Variants in DPF3 observed in about 807,000 individuals in gnomAD.
DPF3 encodes the protein double PHD fingers 3.
A neutral mutation model predicts 56.8 loss-of-function variants in DPF3; 18 were observed. The ratio of observed to expected loss-of-function variants is 0.32; its 90% CI spans 0.22 to 0.47. The LOEUF is 0.47. Among genes scored for constraint, DPF3 ranks in the 20% least tolerant of loss-of-function variants. DPF3 has a pLI of 1.00. For synonymous variants in DPF3, 188 were observed against 180.2 expected (o/e 1.04, Z -0.35); for missense variants, 403 against 488.8 (o/e 0.82, Z 1.65).
chr14:72,789,596 C>T (rs1892346491), intron 1 of DPF3, among the ~76,000 whole-genome samples: 1 of 152,192 alleles, frequency 6.6e-6, no homozygotes, highest in African/African-American at 2.4e-5. Context: ...AGTGCAGTGG[C>T]ATGGCTCACT....
intron 7 of DPF3, among the ~76,000 whole-genome samples, chr14:72,692,651 G>A (rs1887739596): frequency 6.6e-6 from 1 of 152,162 alleles, no homozygotes; most frequent in Non-Finnish European, 1.5e-5. Flanking sequence ...CAATAGATAA[G>A]AATATTCTAA....
In DPF3 at chr14:72,674,332, T is replaced by G; in HGVS notation, c.779A>C (p.Asn260Thr). ...KGPDGTVIPN[N>T]YCDFCLGGSN... ...GCCCCCCAAGCAGAAGTCACAGTAG[T>G]TATTGGGAATGACTGTTCCATCCGG... The change falls in exon 8 of 11, where the codon AAC (asparagine) becomes ACC (threonine). Residue 260 changes from asparagine to threonine, a missense_variant. Physicochemically the swap from Asn to Thr is moderately conservative, Grantham distance 65. Transcript: ENST00000556509. The G allele has an allele frequency of 6.2e-7, 1 of 1,612,966 alleles. No homozygotes were observed.
chr14:72,642,480 GTTA>G lies in DPF3; in HGVS notation c.872-12747_872-12745del, dbSNP rs762698290. ...TTAGATCATTTATCTCTTCCATGCT[GTTA>G]TTATTTTTTTTCAGTGAATCTCCTT... On this transcript the variant is annotated intron_variant, in intron 8 of 10. Transcript: ENST00000556509. Among the ~76,000 whole-genome samples, 82 of 152,192 alleles carry G rather than the reference GTTA, an allele frequency of 5.4e-4. 1 individual carries two copies. In the Middle Eastern group the frequency reaches 9.5e-3, roughly 18 times the overall value.
Position 72,610,894 on chromosome 14 carries a change from A to G in DPF3, c.*8403T>C, listed in dbSNP as rs142218662. On this transcript the variant is annotated 3_prime_UTR_variant, in exon 11 of 11. Transcript: ENST00000556509. ...CCTTTGCCTCACCCCTTCCACCAGC[A>G]GGGCCATTCAGAGAAGTCTTGGCTC... 1.5e-3 allele frequency among the ~76,000 whole-genome samples: 225 copies of G among 152,364 alleles called. No homozygotes were observed. Among genetic ancestry groups the G allele is most frequent in the Admixed American group, 3.3e-3 (50 of 15,312 alleles).
Position 72,780,734 on chromosome 14 carries a change from T to C in DPF3, c.33-8841A>G, listed in dbSNP as rs1891936360. ...CATTTCTCCATGTGCAAATTCATGC[T>C]ACCCTGCAAGGTGCCACAGAACTGA... On this transcript the variant is annotated intron_variant, in intron 1 of 10. Transcript: ENST00000556509. 2.0e-5 allele frequency among the ~76,000 whole-genome samples: 3 copies of C among 152,224 alleles called. No individual in the cohort carries two copies. The South Asian group carries it at 6.2e-4, about 32-fold the overall frequency.
intron 6 of DPF3, among the ~76,000 whole-genome samples, chr14:72,700,740 G>C (rs1888123096): frequency 6.6e-6 from 1 of 152,136 alleles, no homozygotes; most frequent in Non-Finnish European, 1.5e-5. Flanking sequence ...TGTGATCTTG[G>C]GCAAGTTACT....
chr14:72,861,727 A>AAGAAAGAGAG (rs1555513975), intron 1 of DPF3, among the ~76,000 whole-genome samples: 1 of 90,276 alleles, frequency 1.1e-5, no homozygotes, highest in Non-Finnish European at 2.2e-5. Context: ...AAGAGAGAGA[A>AAGAAAGAGAG]AGAAAGAAAG....
intron 2 of DPF3, among the ~76,000 whole-genome samples, chr14:72,768,366 G>A (rs988627092): frequency 1.3e-5 from 2 of 152,220 alleles, no homozygotes; most frequent in African/African-American, 4.8e-5. Context: ...TATAAAGGGA[G>A]GAGGGTAAAA....
chr14:72,758,909 T>C (rs1469604063), intron 2 of DPF3, among the ~76,000 whole-genome samples: 1 of 152,156 alleles, frequency 6.6e-6, no homozygotes, highest in African/African-American at 2.4e-5. Flanking sequence ...AAGGTAAAAT[T>C]CACAATGTGA....
intron 2 of DPF3, among the ~76,000 whole-genome samples, chr14:72,763,407 G>C (rs879945694): frequency 1.1e-4 from 16 of 152,006 alleles, no homozygotes; most frequent in Non-Finnish European, 2.1e-4. Context: ...TAGACAAATA[G>C]GTCAATAAAA....
chr14:72,703,536 C>T (rs1042915573), intron 6 of DPF3, among the ~76,000 whole-genome samples: 4 of 152,138 alleles, frequency 2.6e-5, no homozygotes, highest in Non-Finnish European at 5.9e-5. Flanking sequence ...AAAACCAAAG[C>T]ACTCCATGTG....
At position 72,808,063 on chromosome 14, in the gene DPF3, G is replaced by C. The variant is rs568656504; in HGVS notation, c.33-36170C>G. Among the ~76,000 whole-genome samples, 141 of 152,290 alleles carry C rather than the reference G, an allele frequency of 9.3e-4. 1 individual carries two copies. The highest frequency in any genetic ancestry group is 3.3e-3 in the African/African-American group (137 of 41,564). ...CAGCCTGACCTGATGGATGGGAAAAGATAAGCTCAGAGATGGGGTAAGGAT... is the reference window on the plus strand; with the variant it reads ...CAGCCTGACCTGATGGATGGGAAAACATAAGCTCAGAGATGGGGTAAGGAT... On this transcript the variant is annotated intron_variant, in intron 1 of 10. Transcript: ENST00000556509.
chr14:72,710,110 T>C (rs568162830), intron 6 of DPF3, among the ~76,000 whole-genome samples: 1 of 152,190 alleles, frequency 6.6e-6, no homozygotes, highest in Non-Finnish European at 1.5e-5. Context: ...TCATCAGGAG[T>C]CTGCTCCAAT....
At chr14:72,759,668 T>C (rs1890988455) in intron 2 of DPF3, among the ~76,000 whole-genome samples, 1 of 152,066 alleles carries the variant, frequency 6.6e-6, no homozygotes, top group African/African-American at 2.4e-5. Context: ...TATAAACCCA[T>C]AGGTCTAAGC....
At position 72,619,181 on chromosome 14, in the gene DPF3, AT is replaced by A; in HGVS notation, c.*115del. On this transcript the variant is annotated 3_prime_UTR_variant, in exon 11 of 11. Coordinates refer to ENST00000556509, the MANE Select transcript of DPF3 (RefSeq NM_001280542.3). ...CATGTGTCCCTGCCCCTCTGGGACTATTTCTTTTCCTTGCAGTTGGTCTGGC... is the reference window on the plus strand; with the variant it reads ...CATGTGTCCCTGCCCCTCTGGGACTATTCTTTTCCTTGCAGTTGGTCTGGC... 1 of 1,046,290 alleles carries A rather than the reference AT, an allele frequency of 9.6e-7. No homozygotes were observed. The highest frequency in any genetic ancestry group is 2.4e-5 in the Admixed American group (1 of 41,294). 64.8% of individuals were successfully genotyped at this position (1,046,290 alleles called of 1,614,324 possible).
intron 1 of DPF3, among the ~76,000 whole-genome samples, chr14:72,805,218 C>G (rs1882711186): frequency 6.6e-6 from 1 of 152,122 alleles, no homozygotes. Context: ...CACCTGTAAT[C>G]CCAGCACTTT....
At chr14:72,751,364 G>A (rs976365679) in intron 3 of DPF3, among the ~76,000 whole-genome samples, 8 of 152,184 alleles carry the variant, frequency 5.3e-5, no homozygotes, top group Non-Finnish European at 1.2e-4. Context: ...TTCGAGACCA[G>A]CATTTCTCAC....
At chr14:72,659,017 A>T (rs2153569088) in intron 8 of DPF3, among the ~76,000 whole-genome samples, 2 of 151,670 alleles carry the variant, frequency 1.3e-5, no homozygotes, top group Middle Eastern at 6.8e-3. Flanking sequence ...AAAAAAAAAG[A>T]TCTGGGAACC....
chr14:72,806,761 C>A (rs1882801653), intron 1 of DPF3: 1 of 152,192 alleles, frequency 6.6e-6, no homozygotes, highest in South Asian at 2.1e-4. Flanking sequence ...TCCCTTCGCA[C>A]TTCGCTTGCC....
Sources: allele counts gnomAD v4.1 joint callset (sites outside exome capture counted in the v4.1 genomes callset), GRCh38; gene constraint gnomAD v4.1.1; transcripts MANE v1.5; gene names NCBI Gene and HGNC (gene_info 2026-07-23, HGNC 2026-07-21).